CLCNKA: variants seen among roughly 807,000 people sequenced by gnomAD.
CLCNKA encodes chloride channel protein ClC-Ka.
A neutral mutation model predicts 83.3 loss-of-function variants in CLCNKA; 66 were observed. The observed-to-expected ratio is 0.79, with a 90% confidence interval of 0.65 to 0.97. CLCNKA has a LOEUF of 0.97. Ranked by LOEUF, CLCNKA falls within the 50% of genes least tolerant of loss-of-function variation. The pLI, the probability that CLCNKA is intolerant of heterozygous loss-of-function variation, is 0.00. For synonymous variants in CLCNKA, 357 were observed against 370.4 expected (o/e 0.96, Z 0.42); for missense variants, 806 against 888.7 (o/e 0.91, Z 1.18).
Position 16,033,062 on chromosome 1 carries a change from C to T in CLCNKA, c.1930-108C>T, listed in dbSNP as rs1313609520. 13 of 1,177,014 alleles carry T rather than the reference C, an allele frequency of 1.1e-5. No homozygotes were observed. In the Admixed American group the frequency reaches 1.5e-4, roughly 14 times the overall value. 72.9% of individuals were successfully genotyped at this position (1,177,014 alleles called of 1,614,324 possible). ...AGGCCTGGGTCTGTTGCCTCCCACA[C>T]ATATCAGGCCCCGCCCCTCTTCCTG... On this transcript the variant is annotated intron_variant, in intron 18 of 19. Transcript: ENST00000331433.
At chr1:16,025,629 A>G (rs2124026800) in intron 4 of CLCNKA, among the ~76,000 whole-genome samples, 1 of 152,226 alleles carries the variant, frequency 6.6e-6, no homozygotes, top group South Asian at 2.1e-4. Context: ...CGGGGTTATA[A>G]TGAGCCGAGA....
In CLCNKA at chr1:16,026,473, C is replaced by T. The variant is rs1028152061; in HGVS notation, c.499-63C>T. 1.7e-5 allele frequency: 28 copies of T among 1,602,504 alleles called. No individual in the cohort carries two copies. In the African/African-American group the frequency reaches 2.4e-4, roughly 14 times the overall value. On this transcript the variant is annotated intron_variant, in intron 5 of 19. Transcript: ENST00000331433. ...GGAGGAGGGGGTGTGGTGGGGAAGC[C>T]GTGCTGCCTCGGGGTGAGACTGTCT...
intron 18 of CLCNKA, 85 bp from the exon 19 acceptor site, chr1:16,033,085 C>T (rs1212209920): frequency 2.1e-6 from 3 of 1,422,406 alleles, no homozygotes; most frequent in Non-Finnish European, 3.0e-6. Context: ...GCCCCTCTTC[C>T]TGGCTCAGAG....
chr1:16,029,078 C>A (rs2022503585), intron 11 of CLCNKA, 48 bp from the exon 12 acceptor site: 46 of 1,595,192 alleles, frequency 2.9e-5, no homozygotes, highest in Non-Finnish European at 3.9e-5. Context: ...CTGGGGTCTG[C>A]CGCTGGGGGG....
At chr1:16,026,364 G>A in intron 5 of CLCNKA, 117 bp downstream of exon 5, 1 of 1,490,432 alleles carries the variant, frequency 6.7e-7, no homozygotes, top group Non-Finnish European at 9.2e-7. Flanking sequence ...CTGCCTTCAG[G>A]GAGCTCAGTC....
chr1:16,032,934 G>A (rs1411539525), intron 18 of CLCNKA, among the ~76,000 whole-genome samples: 2 of 152,312 alleles, frequency 1.3e-5, no homozygotes, highest in East Asian at 1.9e-4. Flanking sequence ...CGCCCCCTCT[G>A]TGCTGCTGGA....
chr1:16,022,890 G>C (rs2022193883), intron 2 of CLCNKA, among the ~76,000 whole-genome samples, 171 bp downstream of exon 2: 1 of 152,252 alleles, frequency 6.6e-6, no homozygotes, highest in South Asian at 2.1e-4. Flanking sequence ...CTGTCCAGCT[G>C]TCTGTGGGTC....
At chr1:16,033,025 A>G in intron 18 of CLCNKA, 145 bp from the exon 19 acceptor site, 1 of 883,278 alleles carries the variant, frequency 1.1e-6, no homozygotes, top group South Asian at 1.4e-5. Context: ...AGTGGCCCAC[A>G]CTGGACATTG....
rs2022369343 is a variant in CLCNKA at position 16,026,755 on chromosome 1, T to C, written c.635T>C (p.Val212Ala). 1 of 1,613,238 alleles carries C rather than the reference T, an allele frequency of 6.2e-7. No individual in the cohort carries two copies. The highest frequency in any genetic ancestry group is 1.3e-5 in the African/African-American group (1 of 74,856). The change falls in exon 7 of 20, where the codon GTC becomes GCC. Residue 212 changes from valine (V) to alanine (A), a missense_variant. Val to Ala is a moderately conservative substitution (Grantham distance 64). Coordinates refer to ENST00000331433, the MANE Select transcript of CLCNKA (RefSeq NM_004070.4). ...VAAAAVGVAT[V>A]FAAPFSGVLF... is the part of the protein sequence containing the mutation. ...GCGGCGGCAGTGGGCGTGGCCACAG[T>C]CTTTGCAGCTCCCTTCAGCGGTGAG... is the stretch of plus-strand genomic sequence containing the variant.
chr1:16,028,656 C>G (rs750334457), intron 10 of CLCNKA, 105 bp from the exon 11 acceptor site: 48 of 1,386,728 alleles, frequency 3.5e-5, no homozygotes, highest in Non-Finnish European at 4.9e-5. Context: ...TCGGTATCAG[C>G]CCCCAGGTGG....
At chr1:16,028,615 C>T (rs1285485275) in intron 10 of CLCNKA, 146 bp from the exon 11 acceptor site, 12 of 1,004,960 alleles carry the variant, frequency 1.2e-5, no homozygotes, top group African/African-American at 1.6e-5. Context: ...ATGTTCCCTG[C>T]TCCCGCCCTT....
intron 7 of CLCNKA, chr1:16,026,986 G>T (rs555447337): frequency 2.9e-6 from 2 of 680,528 alleles, no homozygotes; most frequent in Non-Finnish European, 5.0e-6. Flanking sequence ...GAGGCTTCAG[G>T]ATAACATTAC....
intron 13 of CLCNKA, 42 bp from the exon 14 acceptor site, chr1:16,029,923 C>T (rs1182003763): frequency 2.5e-6 from 4 of 1,597,138 alleles, no homozygotes; most frequent in East Asian, 2.2e-5. Context: ...GCTGTGGGGG[C>T]CGGGTCAGCC....
intron 3 of CLCNKA, among the ~76,000 whole-genome samples, 166 bp from the exon 4 acceptor site, chr1:16,024,597 C>T (rs1281007517): frequency 1.3e-5 from 2 of 152,096 alleles, no homozygotes; most frequent in African/African-American, 2.4e-5. Context: ...GGGATATGGA[C>T]CCAGGGTCGT....
chr1:16,022,807 A>G lies in CLCNKA; in HGVS notation c.100+88A>G, dbSNP rs2022190190. ...TCCCACCCCACCTCTCTGCCCAGGA[A>G]CCACCCTCCTGTCATTTGTCCAGGA... On this transcript the variant is annotated intron_variant, in intron 2 of 19. Coordinates refer to ENST00000331433, the MANE Select transcript of CLCNKA (RefSeq NM_004070.4). 8.6e-6 allele frequency: 8 copies of G among 929,672 alleles called. No homozygotes were observed. In the Admixed American group the frequency reaches 8.7e-5, roughly 10 times the overall value. The allele number at this position is 929,672 out of a possible 1,614,324, so 57.6% of individuals were successfully genotyped here.
At chr1:16,032,679 G>C (rs112862955) in intron 18 of CLCNKA, among the ~76,000 whole-genome samples, 153 bp downstream of exon 18, 1 of 151,336 alleles carries the variant, frequency 6.6e-6, no homozygotes, top group Non-Finnish European at 1.5e-5. Context: ...AGCTCCTGCC[G>C]TCGCCCCTCA....
chr1:16,023,935 C>A lies in CLCNKA; in HGVS notation c.229+7C>A. ...ATCGGGTGTGTGGTCCGAGGTAACTCTTCCCTGGCAGGTGCTGCTCTGGGC... is the reference window on the plus strand; with the variant it reads ...ATCGGGTGTGTGGTCCGAGGTAACTATTCCCTGGCAGGTGCTGCTCTGGGC... On this transcript the variant is annotated splice_region_variant and intron_variant, in intron 3 of 19. Coordinates refer to ENST00000331433, the MANE Select transcript of CLCNKA (RefSeq NM_004070.4). 1 of 1,613,960 alleles carries A rather than the reference C, an allele frequency of 6.2e-7. No individual in the cohort carries two copies. Among genetic ancestry groups the A allele is most frequent in the Non-Finnish European group, 8.5e-7 (1 of 1,179,892 alleles).
Position 16,029,956 on chromosome 1 carries a change from T to G in CLCNKA, c.1298-9T>G. 6.2e-7 allele frequency: 1 copy of G among 1,608,980 alleles called. No individual in the cohort carries two copies. The highest frequency in any genetic ancestry group is 8.5e-7 in the Non-Finnish European group (1 of 1,175,534). On this transcript the variant is annotated splice_polypyrimidine_tract_variant and intron_variant, in intron 13 of 19. Coordinates refer to ENST00000331433, the MANE Select transcript of CLCNKA (RefSeq NM_004070.4). ...GCCTGGCTCCCCCTCACCCTAAGTC[T>G]GTGGCCAGGAGCTGCCATCGGGCGC...
chr1:16,027,566 C>A, intron 8 of CLCNKA, 131 bp downstream of exon 8: 3 of 1,505,852 alleles, frequency 2.0e-6, no homozygotes, highest in East Asian at 4.6e-5. Context: ...TCCGTGTTCC[C>A]ACCTCCTTCA....
Sources: gnomAD v4.1 joint callset for allele counts (sites outside exome capture counted in the v4.1 genomes callset) on GRCh38, gnomAD v4.1.1 for gene constraint, MANE v1.5 for transcripts, NCBI Gene and HGNC (gene_info 2026-07-23, HGNC 2026-07-21) for gene names.